The following CADM2 variants were observed in gnomAD, a reference collection of about 807,000 sequenced individuals.
CADM2 encodes immunoglobulin superfamily member 4D.
In CADM2, 12 loss-of-function variants were observed where a neutral mutation model predicts 49.8. The observed-to-expected ratio is 0.24, with a 90% CI of 0.15 to 0.39. The LOEUF (loss-of-function observed/expected upper bound fraction) is 0.39. CADM2 is among the 10% of genes least tolerant of loss of function. CADM2 has a pLI of 1.00. For missense variants in CADM2, 378 were observed against 492.3 expected, an observed-to-expected ratio of 0.77 and a Z score of 2.20; for synonymous variants, 214 against 175.4, an observed-to-expected ratio of 1.22 and a Z score of -1.74.
intron 5 of CADM2, among the ~76,000 whole-genome samples, chr3:85,912,053 C>T (rs963450578): frequency 4.0e-5 from 6 of 151,836 alleles, no homozygotes; most frequent in Admixed American, 2.6e-4. Context: ...ACGCCATTCT[C>T]CTGCCTCAGC....
At chr3:85,181,899 G>A (rs1350659288) in intron 1 of CADM2, among the ~76,000 whole-genome samples, 1 of 149,186 alleles carries the variant, frequency 6.7e-6, no homozygotes, top group African/African-American at 2.4e-5. Flanking sequence ...TAATGATGGT[G>A]ATATAAATCG....
chr3:85,405,492 A>G (rs1161242817), intron 1 of CADM2, among the ~76,000 whole-genome samples: 1 of 152,128 alleles, frequency 6.6e-6, no homozygotes, highest in African/African-American at 2.4e-5. Context: ...CCAAACCCTA[A>G]GCTCTCTGTG....
chr3:85,765,158 A>C (rs1371678091), intron 2 of CADM2, among the ~76,000 whole-genome samples: 1 of 152,086 alleles, frequency 6.6e-6, no homozygotes, highest in Non-Finnish European at 1.5e-5. Flanking sequence ...GAAACGCTTC[A>C]GTGAATATGA....
At chr3:85,934,913 A>G (rs1272764367) in intron 6 of CADM2, among the ~76,000 whole-genome samples, 1 of 152,008 alleles carries the variant, frequency 6.6e-6, no homozygotes, top group Non-Finnish European at 1.5e-5. Context: ...GGAGAAGACA[A>G]TTTCACATTG....
chr3:85,328,342 T>C (rs1046567043), intron 1 of CADM2, among the ~76,000 whole-genome samples: 1 of 152,222 alleles, frequency 6.6e-6, no homozygotes, highest in African/African-American at 2.4e-5. Flanking sequence ...TATTAAAATT[T>C]GTCACTATAA....
chr3:85,740,236 C>T (rs1350123875), intron 2 of CADM2, among the ~76,000 whole-genome samples: 2 of 152,184 alleles, frequency 1.3e-5, no homozygotes, highest in Admixed American at 6.5e-5. Context: ...ACTATTGCTA[C>T]TCATTTGATC....
At chr3:85,743,251 T>A (rs1367422624) in intron 2 of CADM2, among the ~76,000 whole-genome samples, 1 of 152,192 alleles carries the variant, frequency 6.6e-6, no homozygotes, top group Non-Finnish European at 1.5e-5. Context: ...ATGTATCAGA[T>A]GCACTCTGAA....
intron 1 of CADM2, among the ~76,000 whole-genome samples, chr3:85,263,614 C>T (rs867319042): frequency 1.2e-4 from 18 of 152,082 alleles, no homozygotes; most frequent in African/African-American, 4.3e-4. Context: ...CTCTTCCACA[C>T]TAACATTTGA....
intron 8 of CADM2, among the ~76,000 whole-genome samples, chr3:86,034,129 C>T (rs1734885584): frequency 6.6e-6 from 1 of 151,784 alleles, no homozygotes; most frequent in Non-Finnish European, 1.5e-5. Flanking sequence ...ACTATCTGCC[C>T]CAGCCCCTTC....
In CADM2 at chr3:85,541,065, A is replaced by G. The variant is rs117790538; in HGVS notation, c.62-185457A>G. 5.5e-4 allele frequency among the ~76,000 whole-genome samples: 84 copies of G among 151,972 alleles called. 1 individual carries two copies. The East Asian group carries it at 0.016, about 29-fold the overall frequency. On this transcript the variant is annotated intron_variant, in intron 1 of 9. Transcript: ENST00000383699. Reference sequence around the variant, plus strand: ...ATATGTAAATTTGGAGGTGAGGGGTACAATTCAGTCCACAATTCAATAAAA... The same window carrying G: ...ATATGTAAATTTGGAGGTGAGGGGTGCAATTCAGTCCACAATTCAATAAAA...
At chr3:85,012,660 A>T (rs1479118994) in intron 1 of CADM2, among the ~76,000 whole-genome samples, 2 of 151,170 alleles carry the variant, frequency 1.3e-5, no homozygotes, top group Non-Finnish European at 3.0e-5. Context: ...ATAAAGTACA[A>T]AAAGAAAATA....
chr3:85,933,299 C>G (rs1370754779), intron 6 of CADM2, among the ~76,000 whole-genome samples: 1 of 151,988 alleles, frequency 6.6e-6, no homozygotes, highest in Non-Finnish European at 1.5e-5. Flanking sequence ...TGTGTCTTGC[C>G]CATCAAGTAA....
At chr3:85,290,781 C>T (rs1042676761) in intron 1 of CADM2, among the ~76,000 whole-genome samples, 1 of 152,188 alleles carries the variant, frequency 6.6e-6, no homozygotes, top group African/African-American at 2.4e-5. Flanking sequence ...ACCAAAAACC[C>T]ATCTGTACAT....
chr3:85,723,369 T>C (rs2067575688), intron 1 of CADM2, among the ~76,000 whole-genome samples: 3 of 152,160 alleles, frequency 2.0e-5, no homozygotes, highest in Admixed American at 2.0e-4. Context: ...TTTCGGTCAC[T>C]TGGGGTGGTG....
In CADM2 at chr3:85,609,981, T is replaced by A. The variant is rs530906912; in HGVS notation, c.62-116541T>A. 2.6e-5 allele frequency among the ~76,000 whole-genome samples: 4 copies of A among 152,138 alleles called. No individual in the cohort carries two copies. In the South Asian group the frequency reaches 8.3e-4, roughly 32 times the overall value. On this transcript the variant is annotated intron_variant, in intron 1 of 9. Coordinates refer to ENST00000383699, the MANE Select transcript of CADM2 (RefSeq NM_001167675.2). ...AAACTCCACGATAGAACTGTACACA[T>A]TTGTAAAATAATATTTCCGCTGTAT...
At chr3:85,050,566 A>C in intron 1 of CADM2, among the ~76,000 whole-genome samples, 1 of 152,180 alleles carries the variant, frequency 6.6e-6, no homozygotes, top group Non-Finnish European at 1.5e-5. Context: ...TAGTATATGC[A>C]TTTTAAAATT....
At chr3:85,316,316 T>A (rs1476750920) in intron 1 of CADM2, among the ~76,000 whole-genome samples, 2 of 152,196 alleles carry the variant, frequency 1.3e-5, no homozygotes, top group African/African-American at 4.8e-5. Flanking sequence ...TATGTTATTC[T>A]TGGAATATAT....
chr3:85,942,210 A>G (rs946221585), intron 7 of CADM2, among the ~76,000 whole-genome samples: 37 of 151,948 alleles, frequency 2.4e-4, no homozygotes, highest in African/African-American at 8.2e-4. Flanking sequence ...TATTTCAATC[A>G]AATAGTTGTT....
intron 8 of CADM2, among the ~76,000 whole-genome samples, chr3:86,000,175 A>G (rs1427799495): frequency 6.6e-6 from 1 of 152,198 alleles, no homozygotes; most frequent in East Asian, 1.9e-4. Flanking sequence ...TTTCAGGGAA[A>G]GTGGGAAATT....
Sources: allele counts gnomAD v4.1 joint callset (sites outside exome capture counted in the v4.1 genomes callset), GRCh38; gene constraint gnomAD v4.1.1; transcripts MANE v1.5; gene names NCBI Gene and HGNC (gene_info 2026-07-23, HGNC 2026-07-21).